The following AQR variants were observed in gnomAD, a reference collection of about 807,000 sequenced individuals.
AQR encodes the protein RNA helicase aquarius.
AQR carries 61 observed loss-of-function variants against 180.5 expected under a neutral mutation model. That is an observed-to-expected ratio of 0.34 (90% confidence interval 0.28 to 0.42). AQR has a LOEUF of 0.42. AQR is among the 10% of genes least tolerant of loss of function. The pLI, the probability that AQR is intolerant of heterozygous loss-of-function variation, is 1.00. For missense variants in AQR, 1,281 were observed against 1,798.3 expected, an observed-to-expected ratio of 0.71 and a Z score of 5.20; for synonymous variants, 551 against 588.8, an observed-to-expected ratio of 0.94 and a Z score of 0.93.
intron 1 of AQR, among the ~76,000 whole-genome samples, chr15:34,968,004 G>C (rs779112566): frequency 1.3e-5 from 2 of 151,838 alleles, no homozygotes; most frequent in African/African-American, 2.4e-5. Context: ...GTAGAGACAG[G>C]GTTTCTCCAT....
chr15:34,952,507 T>A (rs1894249343), intron 4 of AQR, among the ~76,000 whole-genome samples: 1 of 152,248 alleles, frequency 6.6e-6, no homozygotes, highest in Non-Finnish European at 1.5e-5. Context: ...CTGAAATATT[T>A]ATATTACTAG....
chr15:34,854,615 G>A lies in AQR; in HGVS notation c.*2177C>T, dbSNP rs761067594. ...CACTTGCCTTTCCAATGAATAAACC[G>A]TTTAAAAGAATTCAAATCCCACCAC... On this transcript the variant is annotated 3_prime_UTR_variant, in exon 35 of 35. Coordinates refer to ENST00000156471, the MANE Select transcript of AQR (RefSeq NM_014691.3). The A allele has an allele frequency of 3.9e-5, 6 of 152,062 alleles. No homozygotes were observed. Among genetic ancestry groups the A allele is most frequent in the East Asian group, 1.9e-4 (1 of 5,194 alleles). 9.4% of individuals were successfully genotyped at this position (152,062 alleles called of 1,614,324 possible).
chr15:34,920,213 T>G (rs1033126615), intron 14 of AQR, 119 bp downstream of exon 14: 1 of 643,794 alleles, frequency 1.6e-6, no homozygotes, highest in Non-Finnish European at 2.6e-6. Flanking sequence ...AAAAACAAAA[T>G]GGGAATTATC....
At chr15:34,906,819 AC>A in intron 17 of AQR, 107 bp from the exon 18 acceptor site, 1 of 1,040,722 alleles carries the variant, frequency 9.6e-7, no homozygotes, top group South Asian at 1.8e-5. Context: ...GTAGAGAGAT[AC>A]CGTTGAGTGA....
intron 12 of AQR, among the ~76,000 whole-genome samples, chr15:34,929,407 G>A (rs1322663124): frequency 6.6e-6 from 1 of 152,102 alleles, no homozygotes; most frequent in Non-Finnish European, 1.5e-5. Flanking sequence ...TTCTGCATGT[G>A]GCTAGCCTGT....
intron 34 of AQR, among the ~76,000 whole-genome samples, chr15:34,858,938 G>A (rs1892630813): frequency 6.6e-6 from 1 of 152,092 alleles, no homozygotes; most frequent in Non-Finnish European, 1.5e-5. Flanking sequence ...AACTCAAAAT[G>A]CATCATACCT....
At position 34,910,214 on chromosome 15, in the gene AQR, A is replaced by C; in HGVS notation, c.1584T>G (p.Gly528=). The change falls in exon 17 of 35, where the codon GGT becomes GGG. Residue 528 remains glycine (G), a synonymous_variant. Transcript: ENST00000156471. ...TVVEVAKPNI[G]ENWPTRVRAD... ...CACGAACTCGGGTTGGCCAGTTTTC[A>C]CCTATGTTGGGTTTGGCCACTTCAA... The C allele has an allele frequency of 1.2e-6, 2 of 1,614,234 alleles. No homozygotes were observed. Among genetic ancestry groups the C allele is most frequent in the Non-Finnish European group, 1.7e-6 (2 of 1,180,036 alleles).
intron 13 of AQR, among the ~76,000 whole-genome samples, chr15:34,921,601 A>G (rs919435088): frequency 6.6e-6 from 1 of 152,154 alleles, no homozygotes; most frequent in Admixed American, 6.5e-5. Flanking sequence ...TGAACGTGAA[A>G]AATTAGAATT....
chr15:34,946,081 GC>G (rs1894108350), intron 5 of AQR, among the ~76,000 whole-genome samples: 1 of 152,076 alleles, frequency 6.6e-6, no homozygotes, highest in African/African-American at 2.4e-5. Flanking sequence ...GACCAGCCTG[GC>G]CAATATGGTG....
At chr15:34,945,606 G>A (rs1300167907) in intron 5 of AQR, among the ~76,000 whole-genome samples, 1 of 152,130 alleles carries the variant, frequency 6.6e-6, no homozygotes, top group Non-Finnish European at 1.5e-5. Context: ...GAAGCAACTT[G>A]AAGAAACCCC....
rs1291654898 is a variant in AQR at position 34,853,673 on chromosome 15, T to C, written c.*3119A>G. ...GATTAGTTGGCAATATCCTACATTG[T>C]CAACAAAGCTTTGAAGAAAAACAGA... On this transcript the variant is annotated 3_prime_UTR_variant, in exon 35 of 35. Coordinates refer to ENST00000156471, the MANE Select transcript of AQR (RefSeq NM_014691.3). 1 of 152,144 alleles carries C rather than the reference T, an allele frequency of 6.6e-6. No individual in the cohort carries two copies. The highest frequency in any genetic ancestry group is 6.5e-5 in the Admixed American group (1 of 15,282). 9.4% of individuals were successfully genotyped at this position (152,144 alleles called of 1,614,324 possible). A position where few individuals can be genotyped will look rare whatever the true frequency, so the allele number is the denominator to read the frequency against.
At chr15:34,886,391 T>C in intron 25 of AQR, 135 bp downstream of exon 25, 3 of 766,094 alleles carry the variant, frequency 3.9e-6, no homozygotes, top group Non-Finnish European at 5.8e-6. Flanking sequence ...TTCATAAATA[T>C]AGCACTTGCA....
Position 34,930,244 on chromosome 15 carries a change from T to C in AQR, c.1014+14A>G. The stretch of plus-strand genomic sequence containing the variant: ...CTTATGGAGCATACACAGTCTATAA[T>C]GTATTTTAATTACCTGTAGAGAAGT... On this transcript the variant is annotated intron_variant, in intron 12 of 34. Coordinates refer to ENST00000156471, the MANE Select transcript of AQR (RefSeq NM_014691.3). 6.7e-7 allele frequency: 1 copy of C among 1,484,892 alleles called. No homozygotes were observed. Among genetic ancestry groups the C allele is most frequent in the Non-Finnish European group, 9.4e-7 (1 of 1,065,008 alleles). The allele number at this position is 1,484,892 out of a possible 1,614,324, so 92.0% of individuals were successfully genotyped here. A position where few individuals can be genotyped will look rare whatever the true frequency, so the allele number is the denominator to read the frequency against.
chr15:34,941,947 A>T, intron 7 of AQR, 65 bp downstream of exon 7: 2 of 1,284,502 alleles, frequency 1.6e-6, no homozygotes, highest in South Asian at 3.1e-5. Context: ...TTAAGGCTAT[A>T]GACTAAAACC....
chr15:34,968,580 G>A (rs1431441634), intron 1 of AQR, among the ~76,000 whole-genome samples: 1 of 152,176 alleles, frequency 6.6e-6, no homozygotes, highest in African/African-American at 2.4e-5. Context: ...TTTTAAGAAG[G>A]CAAGTGATAT....
chr15:34,859,730 T>C (rs113084339), intron 34 of AQR, among the ~76,000 whole-genome samples: 2 of 152,282 alleles, frequency 1.3e-5, no homozygotes, highest in African/African-American at 4.8e-5. Context: ...AAGGAGGGAT[T>C]ACAAATGGGC....
Position 34,853,086 on chromosome 15 carries a change from CAT to C in AQR, c.*3704_*3705del, listed in dbSNP as rs1024030649. On this transcript the variant is annotated 3_prime_UTR_variant, in exon 35 of 35. Transcript: ENST00000156471. ...GGTGGATGAAGAAAAAATAGTCTCA[CAT>C]GTCTTCATTTCCATCCTTGGCTCAG... The C allele has an allele frequency of 2.6e-5, 4 of 152,184 alleles. No individual in the cohort carries two copies. The highest frequency in any genetic ancestry group is 3.8e-4 in the East Asian group (2 of 5,200). 9.4% of individuals were successfully genotyped at this position (152,184 alleles called of 1,614,324 possible).
At chr15:34,881,706 T>C (rs934023603) in intron 27 of AQR, among the ~76,000 whole-genome samples, 5 of 152,252 alleles carry the variant, frequency 3.3e-5, no homozygotes, top group Non-Finnish European at 5.9e-5. Flanking sequence ...GAAAGGCTTT[T>C]CATTTGCTAA....
intron 27 of AQR, among the ~76,000 whole-genome samples, chr15:34,879,202 T>C (rs2140465486): frequency 6.6e-6 from 1 of 152,220 alleles, no homozygotes; most frequent in South Asian, 2.1e-4. Flanking sequence ...AACCAGCAAC[T>C]AACAGAAATC....
Sources: gnomAD v4.1 joint callset for allele counts (sites outside exome capture counted in the v4.1 genomes callset) on GRCh38, gnomAD v4.1.1 for gene constraint, MANE v1.5 for transcripts, NCBI Gene and HGNC (gene_info 2026-07-23, HGNC 2026-07-21) for gene names.